IMMP2L: variants seen among roughly 807,000 people sequenced by gnomAD.
IMMP2L encodes the protein mitochondrial inner membrane protease subunit 2.
IMMP2L carries 18 observed loss-of-function variants against 19.3 expected under a neutral mutation model. That is an observed-to-expected ratio of 0.93 (90% CI 0.64 to 1.38). The LOEUF (loss-of-function observed/expected upper bound fraction) is 1.38, where lower values mean the gene tolerates loss of function less well. Ranked by LOEUF, IMMP2L falls within the 40% of genes most tolerant of loss-of-function variation. The probability of loss-of-function intolerance (pLI) is 0.00; values close to 1 mark genes in which losing one functional copy is unlikely to be tolerated. For synonymous variants in IMMP2L, 76 were observed against 73.0 expected (o/e 1.04, Z -0.21); for missense variants, 233 against 218.2 (o/e 1.07, Z -0.43).
At chr7:110,726,556 G>A (rs111470370) in intron 5 of IMMP2L, among the ~76,000 whole-genome samples, 2 of 152,152 alleles carry the variant, frequency 1.3e-5, no homozygotes, top group African/African-American at 2.4e-5. Flanking sequence ...CTACATCAAA[G>A]TCCTAGTATC....
At chr7:111,320,030 C>A (rs1824515242) in intron 3 of IMMP2L, among the ~76,000 whole-genome samples, 1 of 151,924 alleles carries the variant, frequency 6.6e-6, no homozygotes, top group East Asian at 1.9e-4. Flanking sequence ...TAAAAAAAAT[C>A]TTCATCCCCA....
intron 1 of IMMP2L, among the ~76,000 whole-genome samples, chr7:111,531,926 C>A (rs544156612): frequency 1.3e-5 from 2 of 151,754 alleles, no homozygotes; most frequent in Non-Finnish European, 2.9e-5. Context: ...GAAGAAAATA[C>A]TGCATTATTT....
intron 5 of IMMP2L, among the ~76,000 whole-genome samples, chr7:110,682,512 T>C (rs1435744351): frequency 6.6e-6 from 1 of 152,052 alleles, no homozygotes; most frequent in Non-Finnish European, 1.5e-5. Flanking sequence ...AAAATGTAGA[T>C]TGGACACAAC....
At chr7:110,667,397 GATGTCCAC>G (rs1389390076) in intron 5 of IMMP2L, among the ~76,000 whole-genome samples, 1 of 152,150 alleles carries the variant, frequency 6.6e-6, no homozygotes, top group Non-Finnish European at 1.5e-5. Flanking sequence ...CCTGGCAAAA[GATGTCCAC>G]ATCTTAATTG....
intron 3 of IMMP2L, among the ~76,000 whole-genome samples, chr7:111,099,289 T>C (rs1342968272): frequency 6.6e-6 from 1 of 151,704 alleles, no homozygotes; most frequent in Non-Finnish European, 1.5e-5. Context: ...TTTTTTCCCC[T>C]CATGCATTCT....
Position 110,838,417 on chromosome 7 carries a change from C to T in IMMP2L, c.408+48176G>A, listed in dbSNP as rs550153332. Reference sequence around the variant, plus strand: ...GTTGCTATGGTTTGAATGTGTTCCCCGAATTTCATGTGTTAGAAACTTAAT... The same window carrying T: ...GTTGCTATGGTTTGAATGTGTTCCCTGAATTTCATGTGTTAGAAACTTAAT... On this transcript the variant is annotated intron_variant, in intron 5 of 5. Transcript: ENST00000405709. Among the ~76,000 whole-genome samples the T allele has an allele frequency of 3.7e-4, 57 of 152,092 alleles. 1 individual carries two copies. The highest frequency in any genetic ancestry group is 1.3e-3 in the African/African-American group (55 of 41,506).
chr7:110,751,300 A>T (rs1434181034), intron 5 of IMMP2L, among the ~76,000 whole-genome samples: 1 of 152,030 alleles, frequency 6.6e-6, no homozygotes, highest in African/African-American at 2.4e-5. Flanking sequence ...AAAAAATTTT[A>T]AAAAGAAAAA....
Position 110,936,785 on chromosome 7 carries a change from G to A in IMMP2L, c.305+26715C>T, listed in dbSNP as rs910228885. Among the ~76,000 whole-genome samples, 4 of 152,032 alleles carry A rather than the reference G, an allele frequency of 2.6e-5. 1 individual carries two copies. The South Asian group carries it at 8.3e-4, about 32-fold the overall frequency. Reference sequence around the variant, plus strand: ...TTACAGCACTGTTAAAACAGCAAAGGCTTGGAACCAACCCAAATTCCTATC... The same window carrying A: ...TTACAGCACTGTTAAAACAGCAAAGACTTGGAACCAACCCAAATTCCTATC... On this transcript the variant is annotated intron_variant, in intron 4 of 5. Transcript: ENST00000405709.
chr7:111,173,507 A>G (rs1374560277), intron 3 of IMMP2L, among the ~76,000 whole-genome samples: 4 of 151,638 alleles, frequency 2.6e-5, no homozygotes, highest in Non-Finnish European at 5.9e-5. Flanking sequence ...CACTGTTATG[A>G]GAGTGTATGA....
At chr7:111,168,063 CTT>C (rs1222259527) in intron 3 of IMMP2L, among the ~76,000 whole-genome samples, 5 of 151,802 alleles carry the variant, frequency 3.3e-5, no homozygotes, top group African/African-American at 7.3e-5. Flanking sequence ...AGTTTTCAGT[CTT>C]AATAAATTTC....
At chr7:111,004,163 A>G (rs913634307) in intron 3 of IMMP2L, among the ~76,000 whole-genome samples, 6 of 152,102 alleles carry the variant, frequency 3.9e-5, no homozygotes, top group African/African-American at 1.4e-4. Context: ...ATAAGCTTCT[A>G]TAAAAGAGAA....
At chr7:110,814,721 A>G (rs1191852885) in intron 5 of IMMP2L, among the ~76,000 whole-genome samples, 3 of 148,730 alleles carry the variant, frequency 2.0e-5, no homozygotes, top group Non-Finnish European at 3.0e-5. Flanking sequence ...ATATATATGT[A>G]TATATATAAA....
At chr7:111,415,474 G>A (rs1018669139) in intron 3 of IMMP2L, among the ~76,000 whole-genome samples, 4 of 151,658 alleles carry the variant, frequency 2.6e-5, no homozygotes, top group Admixed American at 2.0e-4. Flanking sequence ...CTAAGTTTGT[G>A]GCTTATTAAA....
At chr7:110,950,499 A>G (rs1400591405) in intron 4 of IMMP2L, among the ~76,000 whole-genome samples, 3 of 152,048 alleles carry the variant, frequency 2.0e-5, no homozygotes. Context: ...TTCAGCTTCT[A>G]TGGAAAACAC....
intron 5 of IMMP2L, among the ~76,000 whole-genome samples, chr7:110,808,388 T>C (rs373156890): frequency 2.6e-5 from 4 of 152,040 alleles, no homozygotes; most frequent in Non-Finnish European, 5.9e-5. Flanking sequence ...GCAATTATAA[T>C]AGGAGAAGGG....
intron 1 of IMMP2L, among the ~76,000 whole-genome samples, chr7:111,540,103 C>T (rs1299963755): frequency 6.6e-6 from 1 of 151,958 alleles, no homozygotes; most frequent in Non-Finnish European, 1.5e-5. Context: ...AAACAAATAC[C>T]CACCTCATTT....
chr7:110,967,542 T>A (rs1819678087), intron 3 of IMMP2L, among the ~76,000 whole-genome samples: 1 of 152,042 alleles, frequency 6.6e-6, no homozygotes, highest in South Asian at 2.1e-4. Context: ...TGGCCCAGAT[T>A]ATCACAGAAT....
chr7:110,965,637 G>A (rs1585485748), intron 3 of IMMP2L, among the ~76,000 whole-genome samples: 1 of 151,814 alleles, frequency 6.6e-6, no homozygotes, highest in African/African-American at 2.4e-5. Flanking sequence ...TCTCTGCAGG[G>A]TTACTTATAG....
At chr7:110,962,866 A>G (rs1156479159) in intron 4 of IMMP2L, 49 of 1,316,870 alleles carry the variant, frequency 3.7e-5, no homozygotes, top group Non-Finnish European at 3.8e-5. Flanking sequence ...AGGCCTGGCT[A>G]CAACTTGTTT....
Sources: gnomAD v4.1 joint callset for allele counts (sites outside exome capture counted in the v4.1 genomes callset) on GRCh38, gnomAD v4.1.1 for gene constraint, MANE v1.5 for transcripts, NCBI Gene and HGNC (gene_info 2026-07-23, HGNC 2026-07-21) for gene names.